MGAT3: variants seen among roughly 807,000 people sequenced by gnomAD.
The protein encoded by MGAT3 is beta-1,4-mannosyl-glycoprotein 4-beta-N-acetylglucosaminyltransferase, also known as GlcNAc-T III.
A neutral mutation model predicts 29.8 loss-of-function variants in MGAT3; 9 were observed. The observed-to-expected ratio is 0.30, with a 90% confidence interval of 0.18 to 0.53. The LOEUF is 0.53. Among genes scored for constraint, MGAT3 ranks in the 20% least tolerant of loss-of-function variants. The probability of loss-of-function intolerance (pLI) is 0.96; values close to 1 mark genes in which losing one functional copy is unlikely to be tolerated. For missense variants in MGAT3, 557 were observed against 769.5 expected, an observed-to-expected ratio of 0.72 and a Z score of 3.27; for synonymous variants, 397 against 348.9, an observed-to-expected ratio of 1.14 and a Z score of -1.54.
rs1415525252 is a variant in MGAT3 at position 39,490,764 on chromosome 22, G to C, written c.*1815G>C. 1 of 166,894 alleles carries C rather than the reference G, an allele frequency of 6.0e-6. No individual in the cohort carries two copies. Among genetic ancestry groups the C allele is most frequent in the Admixed American group, 6.6e-5 (1 of 15,240 alleles). The allele number at this position is 166,894 out of a possible 1,614,324, so 10.3% of individuals were successfully genotyped here. A position where few individuals can be genotyped will look rare whatever the true frequency, so the allele number is the denominator to read the frequency against. On this transcript the variant is annotated 3_prime_UTR_variant, in exon 2 of 2. Coordinates refer to ENST00000341184, the MANE Select transcript of MGAT3 (RefSeq NM_002409.5). Reference sequence around the variant, plus strand: ...GCATGCTTGGTGTGTATTTGTACATGTCTGTATTGCTGTGTCCCTGTAAAT... The same window carrying C: ...GCATGCTTGGTGTGTATTTGTACATCTCTGTATTGCTGTGTCCCTGTAAAT...
Position 39,457,084 on chromosome 22 carries a change from G to C in MGAT3, c.-475G>C, listed in dbSNP as rs1411045821. On this transcript the variant is annotated 5_prime_UTR_variant, in exon 1 of 2. Transcript: ENST00000341184. The surrounding 1 kb of genome is among the most constrained non-coding windows in gnomAD (Gnocchi z 6.8). ...CGGGCGGCGCGGGGCGGCGGCGGCC[G>C]GAGTCTGCGGTGCGAGGCGCCCCCG... 6.8e-6 allele frequency among the ~76,000 whole-genome samples: 1 copy of C among 148,140 alleles called. No homozygotes were observed. The highest frequency in any genetic ancestry group is 2.1e-4 in the South Asian group (1 of 4,818).
At chr22:39,484,435 C>T (rs915909787) in intron 1 of MGAT3, among the ~76,000 whole-genome samples, 1 of 151,968 alleles carries the variant, frequency 6.6e-6, no homozygotes, top group Admixed American at 6.6e-5. Flanking sequence ...TACAGTGGTG[C>T]GATCTCGGCT....
intron 1 of MGAT3, among the ~76,000 whole-genome samples, chr22:39,478,479 AG>A (rs1929031676): frequency 6.6e-6 from 1 of 152,230 alleles, no homozygotes; most frequent in Non-Finnish European, 1.5e-5. Flanking sequence ...GGTGGTGGAC[AG>A]GGGAACCGGC....
rs1269209063 is a variant in MGAT3, at chr22:39,457,020, ACACT to A, written c.-537_-534del. Among the ~76,000 whole-genome samples, 10 of 150,842 alleles carry A rather than the reference ACACT, an allele frequency of 6.6e-5. No individual in the cohort carries two copies. Among genetic ancestry groups the A allele is most frequent in the Non-Finnish European group, 1.2e-4 (8 of 67,592 alleles). ...GGCGCGCGCACACTCGCACTCACAC[ACACT>A]CGCTCGCACACGCACACACTCGATC... is the stretch of plus-strand genomic sequence containing the variant. On this transcript the variant is annotated 5_prime_UTR_variant, in exon 1 of 2. Transcript: ENST00000341184. The surrounding 1 kb of genome is among the most constrained non-coding windows in gnomAD (Gnocchi z 6.8).
intron 1 of MGAT3, among the ~76,000 whole-genome samples, chr22:39,461,837 G>A (rs2145708365): frequency 6.6e-6 from 1 of 152,122 alleles, no homozygotes; most frequent in Non-Finnish European, 1.5e-5. Flanking sequence ...AGTGACAGAG[G>A]TTCCAGGATA....
At chr22:39,486,171 G>A (rs1321963668) in intron 1 of MGAT3, 2 of 411,954 alleles carry the variant, frequency 4.9e-6, no homozygotes, top group Admixed American at 6.2e-5. Flanking sequence ...TTTAGATGGA[G>A]TCTTGCTCTT....
At chr22:39,473,145 G>A (rs996201450) in intron 1 of MGAT3, among the ~76,000 whole-genome samples, 2 of 152,104 alleles carry the variant, frequency 1.3e-5, no homozygotes, top group South Asian at 2.1e-4. Context: ...GGCGGCTCTC[G>A]GGGAGGCCTC....
intron 1 of MGAT3, among the ~76,000 whole-genome samples, chr22:39,471,760 G>A (rs1321243086): frequency 6.6e-6 from 1 of 152,096 alleles, no homozygotes; most frequent in Admixed American, 6.5e-5. Context: ...AGGCACAGGG[G>A]CAGAGGGGCA....
At chr22:39,458,203 C>T (rs1196923855) in intron 1 of MGAT3, among the ~76,000 whole-genome samples, 2 of 152,120 alleles carry the variant, frequency 1.3e-5, no homozygotes, top group African/African-American at 4.8e-5. Context: ...TAAATATCTG[C>T]AAATAGTGAG....
chr22:39,463,535 C>T (rs182069032), intron 1 of MGAT3, among the ~76,000 whole-genome samples: 1 of 152,342 alleles, frequency 6.6e-6, no homozygotes, highest in East Asian at 1.9e-4. Context: ...TCAATGTCAC[C>T]TGGGCGGCCT....
intron 1 of MGAT3, among the ~76,000 whole-genome samples, chr22:39,460,924 C>T (rs1411324151): frequency 6.6e-6 from 1 of 152,292 alleles, no homozygotes; most frequent in South Asian, 2.1e-4. Context: ...ACCCCTGCCT[C>T]CTTGGAGACT....
Position 39,487,728 on chromosome 22 carries a change from G to GC in MGAT3, c.383dup (p.Pro129AlafsTer10), listed in dbSNP as rs748949033. ...AACCCGGCACCAAGATGCTGGAGAG[G>GC]CCGCCCCCGGGACGGCCGGAGGAGA... On this transcript the variant is annotated frameshift_variant, in exon 2 of 2. Coordinates refer to ENST00000341184, the MANE Select transcript of MGAT3 (RefSeq NM_002409.5). LOFTEE classifies it high-confidence loss of function. The surrounding 1 kb of genome is among the most constrained non-coding windows in gnomAD (Gnocchi z 5.7). The GC allele has an allele frequency of 3.2e-6, 5 of 1,556,188 alleles. No individual in the cohort carries two copies. Among genetic ancestry groups the GC allele is most frequent in the African/African-American group, 1.4e-5 (1 of 73,082 alleles).
Position 39,488,539 on chromosome 22 carries a change from C to G in MGAT3, c.1192C>G (p.Arg398Gly), listed in dbSNP as rs145889073. 157 of 1,613,164 alleles carry G rather than the reference C, an allele frequency of 9.7e-5. No individual in the cohort carries two copies. Among genetic ancestry groups the G allele is most frequent in the Non-Finnish European group, 1.5e-5 (18 of 1,180,026 alleles). ...GCCCAACTTCAGACAGTATGAGAAC[C>G]GCACCGGCCACATCCTGGTGCAGTG... ...TMPNFRQYEN[R>G]TGHILVQWSL... The change falls in exon 2 of 2, where the codon CGC becomes GGC. Residue 398 changes from arginine to glycine, a missense_variant. By Grantham distance (125) the Arg-to-Gly change is moderately radical (BLOSUM62 -2). Transcript: ENST00000341184.
At position 39,488,090 on chromosome 22, in the gene MGAT3, C is replaced by G; in HGVS notation, c.743C>G (p.Pro248Arg). 6.2e-7 allele frequency: 1 copy of G among 1,612,304 alleles called. No homozygotes were observed. The highest frequency in any genetic ancestry group is 8.5e-7 in the Non-Finnish European group (1 of 1,179,198). ...TCCAACTTCACGGCTTATGGGGAGC[C>G]GCGGCCGCTCAAGTTCCGGGAGATG... ...CESNFTAYGE[P>R]RPLKFREMLT... The change falls in exon 2 of 2, where the codon CCG becomes CGG. Residue 248 changes from proline (P) to arginine (R), a missense_variant. Transcript: ENST00000341184.
chr22:39,459,546 C>T (rs1176257679), intron 1 of MGAT3, among the ~76,000 whole-genome samples: 1 of 152,150 alleles, frequency 6.6e-6, no homozygotes, highest in Non-Finnish European at 1.5e-5. Context: ...TCACAGCAGC[C>T]CCAACCTCCT....
At position 39,474,795 on chromosome 22, in the gene MGAT3, G is replaced by A. The variant is rs144832794; in HGVS notation, c.-1-12552G>A. Among the ~76,000 whole-genome samples the A allele has an allele frequency of 6.5e-3, 993 of 152,340 alleles. 4 individuals carry two copies. Among genetic ancestry groups the A allele is most frequent in the Non-Finnish European group, 0.01 (704 of 68,026 alleles). On this transcript the variant is annotated intron_variant, in intron 1 of 1. Transcript: ENST00000341184. ...GGAGCCACTGCTCACTTCTGGCCTG[G>A]CCTGTTCCCCCAGGCCAAGTTTACA...
At chr22:39,463,161 C>CT in intron 1 of MGAT3, among the ~76,000 whole-genome samples, 1 of 152,222 alleles carries the variant, frequency 6.6e-6, no homozygotes, top group East Asian at 1.9e-4. Context: ...TTATCAAGCA[C>CT]TTCCTATGTG....
In MGAT3 at chr22:39,488,750, C is replaced by T. The variant is rs1301096261; in HGVS notation, c.1403C>T (p.Thr468Met). ...CGCACCGGGGGCTGGTTCGACGGCACGCAGCAGGAGTACCCGCCTGCAGAC... is the reference window on the plus strand; with the variant it reads ...CGCACCGGGGGCTGGTTCGACGGCATGCAGCAGGAGTACCCGCCTGCAGAC... ...LIRTGGWFDG[T>M]QQEYPPADPS... The change falls in exon 2 of 2, where the codon ACG becomes ATG. Residue 468 changes from threonine to methionine, a missense_variant. This residue lies in a region of MGAT3 where 102 missense variants were observed against 97.0 expected (regional missense o/e 1.05). Transcript: ENST00000341184. The T allele has an allele frequency of 3.7e-6, 6 of 1,612,846 alleles. No homozygotes were observed. Among genetic ancestry groups the T allele is most frequent in the Admixed American group, 1.7e-5 (1 of 59,908 alleles).
At chr22:39,461,310 A>G (rs1270860236) in intron 1 of MGAT3, among the ~76,000 whole-genome samples, 3 of 152,124 alleles carry the variant, frequency 2.0e-5, no homozygotes, top group African/African-American at 7.2e-5. Flanking sequence ...GTAGGTGAGA[A>G]GGGCTTTCAG....
Sources: gnomAD v4.1 joint callset for allele counts (sites outside exome capture counted in the v4.1 genomes callset) on GRCh38, gnomAD v4.1.1 for gene constraint, gnomAD v4.1.1 regional missense constraint, Gnocchi (gnomAD v3.1) non-coding constraint, MANE v1.5 for transcripts, NCBI Gene and HGNC (gene_info 2026-07-23, HGNC 2026-07-21) for gene names.